TCF12: variants seen among roughly 807,000 people sequenced by gnomAD.
TCF12 encodes the protein DNA-binding protein HTF4.
In TCF12, 45 loss-of-function variants were observed where a neutral mutation model predicts 86.0. That is an observed-to-expected ratio of 0.52 (90% CI 0.41 to 0.67). The LOEUF (loss-of-function observed/expected upper bound fraction) is 0.67. Ranked by LOEUF, TCF12 falls within the 30% of genes least tolerant of loss-of-function variation. The pLI is 0.00. For missense variants in TCF12, 881 were observed against 859.9 expected (o/e 1.02, Z -0.31); for synonymous variants, 330 against 299.6 (o/e 1.10, Z -1.05).
rs762882976 is a variant in TCF12, at chr15:57,232,804, T to G, written c.918T>G (p.Pro306=). 1.2e-6 allele frequency: 2 copies of G among 1,612,508 alleles called. No individual in the cohort carries two copies. The highest frequency in any genetic ancestry group is 2.2e-5 in the South Asian group (2 of 90,970). The stretch of plus-strand genomic sequence containing the variant: ...ATCGCGGCAGTACCAGCAGTTCACC[T>G]TACGTTGCTGCCTCACACACTCCTC... ...SFHRGSTSSS[P]YVAASHTPPI... is the part of the protein sequence containing the mutation. The change falls in exon 11 of 21, where the codon CCT becomes CCG. Residue 306 remains proline, a synonymous_variant. Coordinates refer to ENST00000333725, the MANE Select transcript of TCF12 (RefSeq NM_207037.2).
At chr15:56,932,250 A>G (rs2060278505) in intron 3 of TCF12, among the ~76,000 whole-genome samples, 1 of 152,184 alleles carries the variant, frequency 6.6e-6, no homozygotes, top group African/African-American at 2.4e-5. Context: ...TTACTTCATA[A>G]CTCTTGTAGG....
rs2057013497 is a variant in TCF12, at chr15:57,192,154, A to G, written c.391-4A>G. The stretch of plus-strand genomic sequence containing the variant: ...TAACTTGTTTCCTTGGCCTTATTTT[A>G]TAGTCTAGTCTCCTGAGACAAGATC... On this transcript the variant is annotated splice_region_variant and splice_polypyrimidine_tract_variant and intron_variant, in intron 6 of 20. Coordinates refer to ENST00000333725, the MANE Select transcript of TCF12 (RefSeq NM_207037.2). 1.2e-6 allele frequency: 2 copies of G among 1,612,980 alleles called. No individual in the cohort carries two copies. Among genetic ancestry groups the G allele is most frequent in the African/African-American group, 1.3e-5 (1 of 74,982 alleles).
At chr15:57,270,817 G>A (rs920484123) in intron 18 of TCF12, among the ~76,000 whole-genome samples, 2 of 152,094 alleles carry the variant, frequency 1.3e-5, no homozygotes, top group Non-Finnish European at 1.5e-5. Flanking sequence ...CTAACAGACC[G>A]GCCCCTCAGC....
At chr15:57,213,630 GT>G (rs2058208366) in intron 8 of TCF12, among the ~76,000 whole-genome samples, 1 of 152,032 alleles carries the variant, frequency 6.6e-6, no homozygotes, top group Admixed American at 6.6e-5. Flanking sequence ...TCTTGGTGCT[GT>G]TCCATTTCTC....
At chr15:57,251,048 G>C in intron 13 of TCF12, 1 of 252,942 alleles carries the variant, frequency 4.0e-6, no homozygotes, top group Non-Finnish European at 7.6e-6. Context: ...TACGTTATAA[G>C]TGCATTTTCT....
At chr15:57,137,273 C>T (rs1406881592) in intron 5 of TCF12, among the ~76,000 whole-genome samples, 4 of 152,096 alleles carry the variant, frequency 2.6e-5, no homozygotes, top group Middle Eastern at 3.4e-3. Context: ...TGAGCCACCA[C>T]GCCCGGCCCT....
intron 3 of TCF12, among the ~76,000 whole-genome samples, chr15:57,029,256 C>A (rs1030964880): frequency 6.6e-5 from 10 of 151,508 alleles, no homozygotes; most frequent in African/African-American, 2.4e-4. Context: ...TTTTTGGTGC[C>A]TTAGTTGAAA....
intron 3 of TCF12, among the ~76,000 whole-genome samples, chr15:57,006,890 TG>T (rs1465707650): frequency 1.3e-5 from 2 of 152,116 alleles, no homozygotes; most frequent in African/African-American, 4.8e-5. Context: ...CACTTCAGCA[TG>T]GGTGACAGAG....
At chr15:57,039,724 T>C (rs775279728) in intron 3 of TCF12, among the ~76,000 whole-genome samples, 16 of 152,206 alleles carry the variant, frequency 1.1e-4, no homozygotes, top group Non-Finnish European at 1.8e-4. Context: ...TAGACCTTCT[T>C]GTTGCAGACT....
At chr15:57,252,177 A>G in intron 14 of TCF12, 1 of 391,442 alleles carries the variant, frequency 2.6e-6, no homozygotes, top group Non-Finnish European at 4.5e-6. Context: ...TTTTAAATTG[A>G]AGGAACGTTT....
chr15:57,170,037 A>T (rs1424176604), intron 6 of TCF12, among the ~76,000 whole-genome samples: 1 of 152,224 alleles, frequency 6.6e-6, no homozygotes, highest in Non-Finnish European at 1.5e-5. Context: ...CATTGAACTA[A>T]ACATAATCAC....
intron 5 of TCF12, among the ~76,000 whole-genome samples, chr15:57,096,804 G>A (rs1222389764): frequency 6.6e-6 from 1 of 152,250 alleles, no homozygotes; most frequent in East Asian, 1.9e-4. Flanking sequence ...ATATATTGTT[G>A]TAACTTATTT....
intron 5 of TCF12, among the ~76,000 whole-genome samples, chr15:57,161,476 A>G (rs1314691488): frequency 2.0e-5 from 3 of 152,208 alleles, no homozygotes; most frequent in Non-Finnish European, 4.4e-5. Flanking sequence ...GTTAATGTAA[A>G]CCATGTAAGT....
intron 5 of TCF12, among the ~76,000 whole-genome samples, chr15:57,147,021 T>C (rs551122313): frequency 1.4e-4 from 21 of 152,366 alleles, no homozygotes; most frequent in African/African-American, 4.6e-4. Flanking sequence ...GATGAATGTT[T>C]TGTTTTTATT....
chr15:57,137,953 G>A (rs908404375), intron 5 of TCF12, among the ~76,000 whole-genome samples: 3 of 152,108 alleles, frequency 2.0e-5, no homozygotes, highest in Non-Finnish European at 2.9e-5. Flanking sequence ...TTTGAACCCG[G>A]GAGGTAGAGG....
rs1428432784 is a variant in TCF12 at position 57,138,506 on chromosome 15, A to G, written c.326-27896A>G. ...TAGGCAACTGCTATGGCTATTCCAG[A>G]CAAGTACTTCACAGATAATCAGATC... On this transcript the variant is annotated intron_variant, in intron 5 of 20. Transcript: ENST00000333725. 3.3e-5 allele frequency among the ~76,000 whole-genome samples: 5 copies of G among 151,866 alleles called. No individual in the cohort carries two copies. The South Asian group carries it at 8.3e-4, about 25-fold the overall frequency.
At chr15:57,222,443 C>T (rs1368986154) in intron 8 of TCF12, among the ~76,000 whole-genome samples, 1 of 151,876 alleles carries the variant, frequency 6.6e-6, no homozygotes, top group East Asian at 1.9e-4. Context: ...GTTTTTCCTA[C>T]TGCTTAAAAA....
At chr15:57,028,977 T>C (rs558056413) in intron 3 of TCF12, among the ~76,000 whole-genome samples, 1 of 152,228 alleles carries the variant, frequency 6.6e-6, no homozygotes, top group South Asian at 2.1e-4. Context: ...TTTTATATTT[T>C]TAGTAGAGAC....
intron 3 of TCF12, among the ~76,000 whole-genome samples, chr15:57,006,385 A>C (rs2064375312): frequency 6.6e-6 from 1 of 151,726 alleles, no homozygotes; most frequent in African/African-American, 2.4e-5. Context: ...GTTCACTGTA[A>C]CCTCTGCCTC....
Sources: allele counts gnomAD v4.1 joint callset (sites outside exome capture counted in the v4.1 genomes callset), GRCh38; gene constraint gnomAD v4.1.1; transcripts MANE v1.5; gene names NCBI Gene and HGNC (gene_info 2026-07-23, HGNC 2026-07-21).